The following RGS6 variants were observed in gnomAD, a reference collection of about 807,000 sequenced individuals.
The protein encoded by RGS6 is regulator of G protein signaling 6, also known as regulator of G-protein signaling 6.
A neutral mutation model predicts 78.5 loss-of-function variants in RGS6; 30 were observed. The observed-to-expected ratio is 0.38, with a 90% CI of 0.29 to 0.52. The LOEUF is 0.52. RGS6 is among the 20% of genes least tolerant of loss of function. The pLI, the probability that RGS6 is intolerant of heterozygous loss-of-function variation, is 0.85. For missense variants in RGS6, 495 were observed against 609.7 expected (o/e 0.81, Z 1.98); for synonymous variants, 206 against 206.0 (o/e 1.00, Z 0.00).
chr14:72,019,925 A>G (rs1358478660), intron 2 of RGS6, among the ~76,000 whole-genome samples: 3 of 152,216 alleles, frequency 2.0e-5, no homozygotes, highest in African/African-American at 7.2e-5. Flanking sequence ...GCATTCTGGA[A>G]TGCTGCATAT....
intron 3 of RGS6, among the ~76,000 whole-genome samples, chr14:72,389,253 C>G (rs2089265488): frequency 1.3e-5 from 2 of 152,210 alleles, no homozygotes; most frequent in African/African-American, 4.8e-5. Flanking sequence ...GGTCCCATAC[C>G]AACCCCTCAG....
At position 71,948,738 on chromosome 14, in the gene RGS6, C is replaced by CTTTTTTTTT. The variant is rs766352167; in HGVS notation, c.-21+15798_-21+15799insTTTTTTTTT. Among the ~76,000 whole-genome samples the CTTTTTTTTT allele has an allele frequency of 4.5e-3, 342 of 75,168 alleles. 40 individuals carry two copies. The highest frequency in any genetic ancestry group is 0.018 in the East Asian group (38 of 2,118). The allele number at this position is 75,168 out of a possible 152,430, so 49.3% of individuals were successfully genotyped here. A position where few individuals can be genotyped will look rare whatever the true frequency, so the allele number is the denominator to read the frequency against. On this transcript the variant is annotated intron_variant, in intron 1 of 17. Transcript: ENST00000553525. Reference sequence around the variant, plus strand: ...AAGCTGATTTCCTTTCTCTCTCTCTCTCTTTTTTTTTTTTTTTTTTTTTTT... The same window carrying CTTTTTTTTT: ...AAGCTGATTTCCTTTCTCTCTCTCTCTTTTTTTTTTCTTTTTTTTTTTTTTTTTTTTTTT...
At chr14:71,979,407 A>G (rs2094328648) in intron 2 of RGS6, among the ~76,000 whole-genome samples, 1 of 149,984 alleles carries the variant, frequency 6.7e-6, no homozygotes. Context: ...ATTTAGTGCT[A>G]TAAATTTCCC....
At chr14:71,938,678 C>T (rs1033657155) in intron 1 of RGS6, among the ~76,000 whole-genome samples, 1 of 152,124 alleles carries the variant, frequency 6.6e-6, no homozygotes, top group African/African-American at 2.4e-5. Context: ...AGTCAGATCA[C>T]GTATATACCA....
rs150172452 is a variant in RGS6, at chr14:72,200,310, C to T, written c.85-151785C>T. Among the ~76,000 whole-genome samples the T allele has an allele frequency of 3.5e-3, 534 of 152,328 alleles. 4 individuals are homozygous for T. The highest frequency in any genetic ancestry group is 0.012 in the African/African-American group (515 of 41,574). On this transcript the variant is annotated intron_variant, in intron 2 of 17. Coordinates refer to ENST00000553525, the MANE Select transcript of RGS6 (RefSeq NM_001204424.2). ...TGAATGAGCCACTTGTGTTTCCACCCGTCCGCCCTGCTTTTCGGAACCCGC... is the reference window on the plus strand; with the variant it reads ...TGAATGAGCCACTTGTGTTTCCACCTGTCCGCCCTGCTTTTCGGAACCCGC...
chr14:72,560,215 A>G (rs2097652406), intron 17 of RGS6, among the ~76,000 whole-genome samples: 1 of 152,204 alleles, frequency 6.6e-6, no homozygotes, highest in South Asian at 2.1e-4. Flanking sequence ...GCCCTGGCGA[A>G]GGAGGGATGG....
At chr14:72,268,711 A>C (rs149730529) in intron 2 of RGS6, among the ~76,000 whole-genome samples, 2 of 152,212 alleles carry the variant, frequency 1.3e-5, no homozygotes, top group Non-Finnish European at 2.9e-5. Flanking sequence ...ACTTTAGGTG[A>C]GAAAGAATGG....
chr14:72,169,752 A>G (rs1195010510), intron 2 of RGS6, among the ~76,000 whole-genome samples: 3 of 152,152 alleles, frequency 2.0e-5, no homozygotes, highest in Non-Finnish European at 4.4e-5. Flanking sequence ...TGGAGGTGAT[A>G]TATTCTTGTC....
the RGS6 span, among the ~76,000 whole-genome samples, chr14:72,628,998 T>C: frequency 3.3e-5 from 5 of 152,228 alleles, no homozygotes; most frequent in Non-Finnish European, 7.3e-5. Flanking sequence ...GTATGGGCCT[T>C]ATTTGAATCC....
intron 2 of RGS6, among the ~76,000 whole-genome samples, chr14:72,279,826 G>A (rs151112469): frequency 6.6e-6 from 1 of 152,286 alleles, no homozygotes; most frequent in African/African-American, 2.4e-5. Context: ...GTATAGAAGT[G>A]TAGAATAGAG....
intron 2 of RGS6, among the ~76,000 whole-genome samples, chr14:72,193,230 G>A (rs1200913867): frequency 6.6e-6 from 1 of 152,168 alleles, no homozygotes; most frequent in Non-Finnish European, 1.5e-5. Flanking sequence ...CTGACCTCAG[G>A]TGATCCACCT....
the RGS6 span, among the ~76,000 whole-genome samples, chr14:71,918,567 A>G: frequency 3.9e-4 from 59 of 152,362 alleles, no homozygotes; most frequent in Non-Finnish European, 8.2e-4. Context: ...GAGGAAAGAG[A>G]TGCAAACAGA....
At chr14:72,615,119 C>A in the RGS6 span, among the ~76,000 whole-genome samples, 1 of 152,158 alleles carries the variant, frequency 6.6e-6, no homozygotes, top group Non-Finnish European at 1.5e-5. Flanking sequence ...CTAGGAGGGG[C>A]AGCCGGGGAG....
intron 2 of RGS6, among the ~76,000 whole-genome samples, chr14:72,188,681 A>C (rs935344939): frequency 3.3e-5 from 5 of 152,166 alleles, no homozygotes; most frequent in African/African-American, 1.2e-4. Flanking sequence ...TGTCATGTGC[A>C]TCACCCTGTG....
the RGS6 span, among the ~76,000 whole-genome samples, chr14:71,883,154 G>A: frequency 2.3e-3 from 347 of 152,312 alleles, 2 homozygotes; most frequent in African/African-American, 8.1e-3. Context: ...TATTTATTAA[G>A]TATCTGTAAT....
chr14:71,890,425 C>T, the RGS6 span, among the ~76,000 whole-genome samples: 33 of 148,548 alleles, frequency 2.2e-4, no homozygotes, highest in African/African-American at 7.0e-4. Flanking sequence ...TAGCATCTGC[C>T]GGTACTTCAG....
chr14:71,949,683 T>A (rs2092062463), intron 1 of RGS6, among the ~76,000 whole-genome samples: 1 of 152,138 alleles, frequency 6.6e-6, no homozygotes, highest in Non-Finnish European at 1.5e-5. Context: ...AACTTATCAG[T>A]CTCTTTCTTT....
Position 71,993,932 on chromosome 14 carries a change from G to GT in RGS6, c.84+29059dup, listed in dbSNP as rs200812962. Among the ~76,000 whole-genome samples, 1,383 of 151,838 alleles carry GT rather than the reference G, an allele frequency of 9.1e-3. 11 individuals are homozygous for GT. Among genetic ancestry groups the GT allele is most frequent in the Middle Eastern group, 0.014 (4 of 294 alleles). ...GTGTCTCTGATAGGGAAAAGGAAGA[G>GT]TTGGAAGGCATCTTAGCCTCTAGGA... On this transcript the variant is annotated intron_variant, in intron 2 of 17. Coordinates refer to ENST00000553525, the MANE Select transcript of RGS6 (RefSeq NM_001204424.2).
chr14:72,213,441 ATAAAT>A (rs2044682041), intron 2 of RGS6, among the ~76,000 whole-genome samples: 1 of 152,162 alleles, frequency 6.6e-6, no homozygotes, highest in Non-Finnish European at 1.5e-5. Context: ...TCTCTGTCTC[ATAAAT>A]GATTAGCTGA....
Sources: allele counts gnomAD v4.1 joint callset (sites outside exome capture counted in the v4.1 genomes callset), GRCh38; gene constraint gnomAD v4.1.1; transcripts MANE v1.5; gene names NCBI Gene and HGNC (gene_info 2026-07-23, HGNC 2026-07-21).